WDR47: variants seen among roughly 807,000 people sequenced by gnomAD.
The protein encoded by WDR47 is WD repeat domain 47, also known as WD repeat-containing protein 47.
In WDR47, 32 loss-of-function variants were observed where a neutral mutation model predicts 97.2. That is an observed-to-expected ratio of 0.33 (90% confidence interval 0.25 to 0.44). The LOEUF is 0.44. Ranked by LOEUF, WDR47 falls within the 20% of genes least tolerant of loss-of-function variation. WDR47 has a pLI of 1.00. For missense variants in WDR47, 782 were observed against 1,102.3 expected, an observed-to-expected ratio of 0.71 and a Z score of 4.11; for synonymous variants, 375 against 373.5, an observed-to-expected ratio of 1.00 and a Z score of -0.05.
chr1:108,992,369 C>G (rs1365761083), intron 8 of WDR47: 3 of 1,344,744 alleles, frequency 2.2e-6, no homozygotes, highest in African/African-American at 1.4e-5. Context: ...TAAGAACACT[C>G]GTGAAACTGC....
Position 108,970,229 on chromosome 1 carries a change from G to C in WDR47, c.*1201C>G, listed in dbSNP as rs1657357958. ...ACAGAAACAGTTTTAAATGTCAAGA[G>C]GTCTTTATTGAAATAATAGCACAGT... is the stretch of plus-strand genomic sequence containing the variant. On this transcript the variant is annotated 3_prime_UTR_variant, in exon 15 of 15. Transcript: ENST00000369962. 1 of 152,482 alleles carries C rather than the reference G, an allele frequency of 6.6e-6. No homozygotes were observed. Among genetic ancestry groups the C allele is most frequent in the Non-Finnish European group, 1.5e-5 (1 of 68,006 alleles). 9.4% of individuals were successfully genotyped at this position (152,482 alleles called of 1,614,324 possible).
intron 7 of WDR47, among the ~76,000 whole-genome samples, chr1:108,996,069 A>G (rs1659727954): frequency 6.6e-6 from 1 of 152,118 alleles, no homozygotes; most frequent in Non-Finnish European, 1.5e-5. Flanking sequence ...TGGGCATTAT[A>G]GACTTTTCTT....
intron 1 of WDR47, among the ~76,000 whole-genome samples, chr1:109,029,068 T>A (rs1320900645): frequency 1.3e-5 from 2 of 152,212 alleles, no homozygotes; most frequent in Non-Finnish European, 2.9e-5. Context: ...AGTATTTTAG[T>A]CCTTAGATAC....
At chr1:109,033,065 G>A (rs1662708223) in intron 1 of WDR47, among the ~76,000 whole-genome samples, 1 of 152,026 alleles carries the variant, frequency 6.6e-6, no homozygotes, top group Non-Finnish European at 1.5e-5. Flanking sequence ...GGAGGCCAAG[G>A]CAGGTGGATC....
chr1:109,018,758 G>A lies in WDR47; in HGVS notation c.159-1157C>T, dbSNP rs113082754. Among the ~76,000 whole-genome samples, 315 of 151,930 alleles carry A rather than the reference G, an allele frequency of 2.1e-3. 2 individuals carry two copies. The highest frequency in any genetic ancestry group is 7.4e-3 in the African/African-American group (306 of 41,446). ...TGAGCCCAGATGTCAAGGCTGCAGT[G>A]AGCTGAGATTGTGCCACTGCACTCC... is the stretch of plus-strand genomic sequence containing the variant. On this transcript the variant is annotated intron_variant, in intron 2 of 14. Coordinates refer to ENST00000369962, the MANE Select transcript of WDR47 (RefSeq NM_001142551.2).
At chr1:108,985,779 A>C (rs1272504945) in intron 10 of WDR47, among the ~76,000 whole-genome samples, 2 of 152,176 alleles carry the variant, frequency 1.3e-5, no homozygotes, top group Non-Finnish European at 2.9e-5. Flanking sequence ...TTCTACCTCC[A>C]TAATTATTGC....
At position 108,982,761 on chromosome 1, in the gene WDR47, C is replaced by A; in HGVS notation, c.2114G>T (p.Ser705Ile). 1 of 1,608,582 alleles carries A rather than the reference C, an allele frequency of 6.2e-7. No homozygotes were observed. The highest frequency in any genetic ancestry group is 1.1e-5 in the South Asian group (1 of 89,820). The stretch of plus-strand genomic sequence containing the variant: ...GTCTCTAATTGTTCCATCATGCATA[C>A]TAAATTCCAGATCTGGTCCTGAAAC... ...CNATGPDLEF[S>I]MHDGTIRDLA... is the part of the protein sequence containing the mutation. Residue 705 changes from serine to isoleucine, a missense_variant, in exon 12 of 15, where the codon AGT becomes ATT. Ser to Ile is a moderately radical substitution (Grantham distance 142). Coordinates refer to ENST00000369962, the MANE Select transcript of WDR47 (RefSeq NM_001142551.2).
intron 1 of WDR47, among the ~76,000 whole-genome samples, chr1:109,024,250 G>A (rs987027568): frequency 1.3e-5 from 2 of 152,078 alleles, no homozygotes; most frequent in African/African-American, 2.4e-5. Flanking sequence ...TCAGGAGTTC[G>A]AGACCAGCCT....
chr1:108,985,096 T>C (rs1658677726), intron 10 of WDR47, among the ~76,000 whole-genome samples: 1 of 152,166 alleles, frequency 6.6e-6, no homozygotes, highest in South Asian at 2.1e-4. Context: ...TCTCCTCTTA[T>C]TGCCATCCAA....
Position 109,011,614 on chromosome 1 carries a change from AG to A in WDR47, c.431del (p.Pro144LeufsTer3). 1 of 1,614,208 alleles carries A rather than the reference AG, an allele frequency of 6.2e-7. No individual in the cohort carries two copies. ...YSKLCLLLTL[P>X]RLTNHAEFKD... ...TAAACTCGGCATGATTGGTCAGACG[AG>A]GCAAAGTCAAAAGCAAACAGAGCTT... On this transcript the variant is annotated frameshift_variant, in exon 5 of 15. Transcript: ENST00000369962. LOFTEE classifies it high-confidence loss of function.
rs1380412985 is a variant in WDR47 at position 108,971,524 on chromosome 1, TC to T, written c.2665del (p.Asp889ThrfsTer3). The T allele has an allele frequency of 6.2e-7, 1 of 1,614,166 alleles. No homozygotes were observed. The highest frequency in any genetic ancestry group is 1.1e-5 in the South Asian group (1 of 91,084). On this transcript the variant is annotated frameshift_variant, in exon 15 of 15. Coordinates refer to ENST00000369962, the MANE Select transcript of WDR47 (RefSeq NM_001142551.2). LOFTEE classifies it high-confidence loss of function. ...LPIMVVGEHK[D>X]KVIQCRWHTQ... The stretch of plus-strand genomic sequence containing the variant: ...GTGCCATCTGCACTGAATCACTTTG[TC>T]CTTGTGCTCCCCCACCACCATGATA...
At chr1:108,973,014 G>A (rs777782460) in intron 14 of WDR47, among the ~76,000 whole-genome samples, 1 of 149,832 alleles carries the variant, frequency 6.7e-6, no homozygotes, top group Admixed American at 6.7e-5. Flanking sequence ...CTCTCTCTTA[G>A]TTCACTAAGT....
At chr1:108,978,107 A>G (rs375340170) in intron 13 of WDR47, among the ~76,000 whole-genome samples, 5 of 151,690 alleles carry the variant, frequency 3.3e-5, no homozygotes, top group African/African-American at 1.2e-4. Context: ...CTCTGAATGC[A>G]TTTTAATTTC....
rs538966813 is a variant in WDR47, at chr1:109,033,568, C to T, written c.-10+8294G>A. On this transcript the variant is annotated intron_variant, in intron 1 of 14. Coordinates refer to ENST00000369962, the MANE Select transcript of WDR47 (RefSeq NM_001142551.2). ...GTTTTGAAAAAGAAAAAAGAAGACCCGATAATATCTAGTTTTGGCAAGAGT... is the reference window on the plus strand; with the variant it reads ...GTTTTGAAAAAGAAAAAAGAAGACCTGATAATATCTAGTTTTGGCAAGAGT... 2.0e-5 allele frequency among the ~76,000 whole-genome samples: 3 copies of T among 152,278 alleles called. No individual in the cohort carries two copies. The South Asian group carries it at 6.2e-4, about 32-fold the overall frequency.
chr1:108,989,323 G>C (rs1659129428), intron 9 of WDR47, among the ~76,000 whole-genome samples: 1 of 152,184 alleles, frequency 6.6e-6, no homozygotes, highest in African/African-American at 2.4e-5. Context: ...TATTCTGAGA[G>C]GTCTAGGACC....
intron 13 of WDR47, among the ~76,000 whole-genome samples, chr1:108,975,518 T>C (rs1657819291): frequency 1.3e-5 from 2 of 151,298 alleles, no homozygotes; most frequent in South Asian, 4.2e-4. Context: ...CTACTCACGA[T>C]GCTGAGGCAG....
intron 10 of WDR47, among the ~76,000 whole-genome samples, chr1:108,985,347 T>C (rs565030643): frequency 2.0e-5 from 3 of 152,318 alleles, no homozygotes; most frequent in South Asian, 2.1e-4. Flanking sequence ...ATTATTCTCT[T>C]CTCCCTTCTC....
intron 13 of WDR47, among the ~76,000 whole-genome samples, chr1:108,979,833 A>AATTGCTTGATTTCTTAAACCAGGG (rs1658201523): frequency 6.6e-6 from 1 of 152,142 alleles, no homozygotes; most frequent in Non-Finnish European, 1.5e-5. Context: ...AGCCTTATTG[A>AATTGCTTGATTTCTTAAACCAGGG]ATTGCTTGAT....
At chr1:109,014,384 A>G (rs1331114825) in intron 3 of WDR47, among the ~76,000 whole-genome samples, 2 of 152,214 alleles carry the variant, frequency 1.3e-5, no homozygotes, top group Admixed American at 6.5e-5. Flanking sequence ...GGAGAAAATG[A>G]ACATTTCTAA....
Sources: gnomAD v4.1 joint callset for allele counts (sites outside exome capture counted in the v4.1 genomes callset) on GRCh38, gnomAD v4.1.1 for gene constraint, MANE v1.5 for transcripts, NCBI Gene and HGNC (gene_info 2026-07-23, HGNC 2026-07-21) for gene names.